The following MALL variants were observed in gnomAD, a reference collection of about 807,000 sequenced individuals.
MALL encodes MAL-like protein.
In MALL, 2 loss-of-function variants were observed where a neutral mutation model predicts 10.3. The ratio of observed to expected loss-of-function variants is 0.19; its 90% CI spans 0.08 to 0.61. The LOEUF is 0.61. Ranked by LOEUF, MALL falls within the 20% of genes least tolerant of loss-of-function variation. MALL has a pLI of 0.88. For synonymous variants in MALL, 27 were observed against 51.8 expected (o/e 0.52, Z 2.05); for missense variants, 39 against 115.2 (o/e 0.34, Z 3.03).
intron 1 of MALL, among the ~76,000 whole-genome samples, chr2:110,105,535 G>A (rs1158586399): frequency 6.6e-6 from 1 of 152,230 alleles, no homozygotes; most frequent in Non-Finnish European, 1.5e-5. Context: ...AGGACAGGAA[G>A]ACGCCACATG....
chr2:110,106,376 C>T (rs979766720), intron 1 of MALL, among the ~76,000 whole-genome samples: 8 of 152,116 alleles, frequency 5.3e-5, no homozygotes, highest in Admixed American at 1.3e-4. Flanking sequence ...GAGCAGGGCA[C>T]GGGTGTGAGC....
rs1678899020 is a variant in MALL, at chr2:110,115,588, G to T, written c.105+100C>A. 7.3e-6 allele frequency: 4 copies of T among 546,598 alleles called. No individual in the cohort carries two copies. The East Asian group carries it at 1.7e-4, about 23-fold the overall frequency. The allele number at this position is 546,598 out of a possible 1,614,324, so 33.9% of individuals were successfully genotyped here. A position where few individuals can be genotyped will look rare whatever the true frequency, so the allele number is the denominator to read the frequency against. ...GTGCTTGCTGCCCCTCTCTCTTCTC[G>T]GTCCGGTCTGGGTCTCTCTCTTCTC... On this transcript the variant is annotated intron_variant, in intron 1 of 3. Coordinates refer to ENST00000272462, the MANE Select transcript of MALL (RefSeq NM_005434.5).
rs1223310815 is a variant in MALL at position 110,108,900 on chromosome 2, CA to C, written c.105+6787del. On this transcript the variant is annotated intron_variant, in intron 1 of 3. Coordinates refer to ENST00000272462, the MANE Select transcript of MALL (RefSeq NM_005434.5). ...CGGACCTATCTTCAGCCTCCTCAAA[CA>C]AAACAATTATCAGCCAAGAATTTCA... Among the ~76,000 whole-genome samples the C allele has an allele frequency of 2.6e-5, 4 of 152,244 alleles. No individual in the cohort carries two copies. In the South Asian group the frequency reaches 6.2e-4, roughly 24 times the overall value.
chr2:110,097,649 T>G (rs1268624873), intron 1 of MALL: 1 of 428,636 alleles, frequency 2.3e-6, no homozygotes, highest in Non-Finnish European at 4.7e-6. Flanking sequence ...TGGTCTCAGG[T>G]CTGTGTGGCC....
chr2:110,117,993 G>A (rs1213566807), upstream of MALL, among the ~76,000 whole-genome samples: 1 of 152,030 alleles, frequency 6.6e-6, no homozygotes, highest in Non-Finnish European at 1.5e-5. Context: ...ACAGGTACCA[G>A]AGGAAAGAAA....
chr2:110,099,799 A>G (rs547075232), intron 1 of MALL, among the ~76,000 whole-genome samples: 1 of 152,258 alleles, frequency 6.6e-6, no homozygotes, highest in African/African-American at 2.4e-5. Flanking sequence ...GCAGTGGTGA[A>G]CCTGGAGCTA....
chr2:110,107,300 T>G (rs551659675), intron 1 of MALL, among the ~76,000 whole-genome samples: 9 of 152,192 alleles, frequency 5.9e-5, no homozygotes, highest in Non-Finnish European at 1.2e-4. Flanking sequence ...GGGGCAAGTT[T>G]TCAAACCCAT....
At chr2:110,095,239 C>A (rs2104379295) in intron 1 of MALL, among the ~76,000 whole-genome samples, 1 of 152,288 alleles carries the variant, frequency 6.6e-6, no homozygotes, top group East Asian at 1.9e-4. Context: ...TTCCTGGTGG[C>A]CTAAACTGCT....
intron 1 of MALL, among the ~76,000 whole-genome samples, chr2:110,106,392 C>G (rs1344535020): frequency 1.3e-5 from 2 of 152,028 alleles, no homozygotes; most frequent in African/African-American, 4.8e-5. Context: ...TGAGCCGCAC[C>G]CACCCCAGGC....
intron 1 of MALL, 49 bp downstream of exon 1, chr2:110,115,639 C>A: frequency 1.8e-6 from 2 of 1,102,006 alleles, no homozygotes; most frequent in Non-Finnish European, 2.3e-6. Context: ...CGAGGCCGGT[C>A]TCCCCCTCCC....
chr2:110,106,156 A>T (rs1302008842), intron 1 of MALL, among the ~76,000 whole-genome samples: 1 of 152,200 alleles, frequency 6.6e-6, no homozygotes, highest in East Asian at 1.9e-4. Context: ...CAAAAATCTC[A>T]TAAGTCAACT....
chr2:110,102,409 C>G (rs1678590718), intron 1 of MALL, among the ~76,000 whole-genome samples: 1 of 152,168 alleles, frequency 6.6e-6, no homozygotes, highest in African/African-American at 2.4e-5. Context: ...AAACTCTGAG[C>G]TCCTGGAGGC....
At chr2:110,102,036 G>C (rs556115166) in intron 1 of MALL, among the ~76,000 whole-genome samples, 1 of 152,038 alleles carries the variant, frequency 6.6e-6, no homozygotes, top group African/African-American at 2.4e-5. Flanking sequence ...CACTCTCCCT[G>C]TACATTGATT....
intron 1 of MALL, among the ~76,000 whole-genome samples, chr2:110,095,860 G>A (rs1160852854): frequency 1.3e-5 from 2 of 152,052 alleles, no homozygotes; most frequent in Admixed American, 6.5e-5. Context: ...CAGTCAAAAG[G>A]ACTCAGCAGA....
At chr2:110,110,645 A>G (rs1678784275) in intron 1 of MALL, among the ~76,000 whole-genome samples, 1 of 152,182 alleles carries the variant, frequency 6.6e-6, no homozygotes, top group Admixed American at 6.5e-5. Flanking sequence ...ACATTCAAAG[A>G]AGAATTGGTA....
At chr2:110,104,783 T>C (rs1313352708) in intron 1 of MALL, among the ~76,000 whole-genome samples, 1 of 152,198 alleles carries the variant, frequency 6.6e-6, no homozygotes, top group Non-Finnish European at 1.5e-5. Context: ...AGTGTGTTAG[T>C]TGCACCACTC....
At chr2:110,098,893 T>G (rs1678503112) in intron 1 of MALL, among the ~76,000 whole-genome samples, 2 of 151,914 alleles carry the variant, frequency 1.3e-5, no homozygotes, top group Middle Eastern at 3.2e-3. Flanking sequence ...TCTCAGCTAC[T>G]CGGGGGGCTG....
At position 110,095,894 on chromosome 2, in the gene MALL, C is replaced by T. The variant is rs552866745; in HGVS notation, c.106-4124G>A. Among the ~76,000 whole-genome samples the T allele has an allele frequency of 3.0e-4, 45 of 152,166 alleles. No individual in the cohort carries two copies. In the South Asian group the frequency reaches 8.5e-3, roughly 29 times the overall value. ...GACTCCTGCTGCCCAAAGATGGGAC[C>T]GCTTGAGCTTCTTACAGCTATGATG... On this transcript the variant is annotated intron_variant, in intron 1 of 3. Coordinates refer to ENST00000272462, the MANE Select transcript of MALL (RefSeq NM_005434.5).
At chr2:110,104,478 T>C (rs1368874070) in intron 1 of MALL, among the ~76,000 whole-genome samples, 1 of 152,202 alleles carries the variant, frequency 6.6e-6, no homozygotes, top group Non-Finnish European at 1.5e-5. Context: ...GTATCGCCAG[T>C]GCTTGGCAGA....
Sources: allele counts gnomAD v4.1 joint callset (sites outside exome capture counted in the v4.1 genomes callset), GRCh38; gene constraint gnomAD v4.1.1; transcripts MANE v1.5; gene names NCBI Gene and HGNC (gene_info 2026-07-23, HGNC 2026-07-21).